PTPRD: variants seen among roughly 807,000 people sequenced by gnomAD.
The protein encoded by PTPRD is receptor-type tyrosine-protein phosphatase delta.
PTPRD carries 34 observed loss-of-function variants against 214.5 expected under a neutral mutation model. That is an observed-to-expected ratio of 0.16 (90% CI 0.12 to 0.21). The LOEUF is 0.21. Among genes scored for constraint, PTPRD ranks in the 10% least tolerant of loss-of-function variants. The probability of loss-of-function intolerance (pLI) is 1.00; values close to 1 mark genes in which losing one functional copy is unlikely to be tolerated. For missense variants in PTPRD, 2,545 were observed against 2,398.7 expected (o/e 1.06, Z -1.27); for synonymous variants, 1,128 against 845.7 (o/e 1.33, Z -5.79).
intron 3 of PTPRD, among the ~76,000 whole-genome samples, chr9:10,047,312 C>CTGTGTGTG (rs56257525): frequency 2.0e-3 from 273 of 138,780 alleles, no homozygotes; most frequent in African/African-American, 6.3e-3. Flanking sequence ...AATCAACTAA[C>CTGTGTGTG]TGTGTGTGTG....
At position 8,348,958 on chromosome 9, in the gene PTPRD, G is replaced by A. The variant is rs374957887; in HGVS notation, c.4662-6980C>T. 1.4e-4 allele frequency among the ~76,000 whole-genome samples: 21 copies of A among 152,152 alleles called. 1 individual carries two copies. In the East Asian group the frequency reaches 1.7e-3, roughly 13 times the overall value. ...TTATGCCAGTTGGCGCTCTCCTCCA[G>A]GGAAAAGACAACAGCTTCGTTGTCT... is the stretch of plus-strand genomic sequence containing the variant. On this transcript the variant is annotated intron_variant, in intron 39 of 45. Transcript: ENST00000381196.
intron 9 of PTPRD, among the ~76,000 whole-genome samples, chr9:9,244,086 G>A (rs2099971727): frequency 1.3e-5 from 2 of 152,170 alleles, no homozygotes; most frequent in Non-Finnish European, 2.9e-5. Context: ...CAAGGGATGT[G>A]AAGGACCTCT....
intron 2 of PTPRD, among the ~76,000 whole-genome samples, chr9:10,408,878 G>T (rs1185153425): frequency 6.6e-6 from 1 of 151,616 alleles, no homozygotes; most frequent in Non-Finnish European, 1.5e-5. Context: ...CTCAGTATAT[G>T]TTAGATATTG....
intron 3 of PTPRD, among the ~76,000 whole-genome samples, chr9:10,127,879 G>A (rs536990765): frequency 1.1e-4 from 16 of 152,188 alleles, no homozygotes; most frequent in South Asian, 4.2e-4. Context: ...AAAATTCCCC[G>A]TCACTATCAC....
intron 33 of PTPRD, among the ~76,000 whole-genome samples, chr9:8,457,820 T>A (rs1564957377): frequency 6.6e-6 from 1 of 152,158 alleles, no homozygotes; most frequent in Non-Finnish European, 1.5e-5. Context: ...CTTTCAATTC[T>A]GAGTCATTAC....
intron 8 of PTPRD, among the ~76,000 whole-genome samples, chr9:9,403,254 A>G (rs747736961): frequency 4.1e-5 from 5 of 121,262 alleles, no homozygotes; most frequent in Non-Finnish European, 6.4e-5. Context: ...TTGTGCCACT[A>G]TACTCCAGTC....
At chr9:9,431,397 G>A (rs891135531) in intron 8 of PTPRD, among the ~76,000 whole-genome samples, 1 of 152,056 alleles carries the variant, frequency 6.6e-6, no homozygotes, top group African/African-American at 2.4e-5. Context: ...TAAAAAGTCA[G>A]GAAACAACAG....
chr9:8,388,154 T>C (rs2087910617), intron 37 of PTPRD, among the ~76,000 whole-genome samples: 1 of 152,228 alleles, frequency 6.6e-6, no homozygotes, highest in Admixed American at 6.5e-5. Context: ...CTTTTTAATA[T>C]GTTTCTGTCT....
intron 7 of PTPRD, among the ~76,000 whole-genome samples, chr9:9,610,101 A>G (rs1368832798): frequency 6.6e-6 from 1 of 152,120 alleles, no homozygotes; most frequent in African/African-American, 2.4e-5. Context: ...AGAAATAAAG[A>G]TGTGCCAAGC....
At chr9:9,483,188 A>T (rs1231800007) in intron 8 of PTPRD, among the ~76,000 whole-genome samples, 1 of 152,176 alleles carries the variant, frequency 6.6e-6, no homozygotes, top group Admixed American at 6.6e-5. Context: ...CAGCAGAAAG[A>T]CTCAGTGGAG....
At chr9:8,868,560 G>A (rs2098239606) in intron 11 of PTPRD, among the ~76,000 whole-genome samples, 1 of 152,112 alleles carries the variant, frequency 6.6e-6, no homozygotes, top group Non-Finnish European at 1.5e-5. Flanking sequence ...CAAAGTTGGA[G>A]CAACTTTGCT....
Position 8,380,707 on chromosome 9 carries a change from A to C in PTPRD, c.4387-3981T>G, listed in dbSNP as rs1042429351. Among the ~76,000 whole-genome samples, 3 of 152,280 alleles carry C rather than the reference A, an allele frequency of 2.0e-5. No individual in the cohort carries two copies. In the South Asian group the frequency reaches 6.2e-4, roughly 32 times the overall value. ...TTATTTTTAAAACTCTTGTCATTGC[A>C]AATATCTGGTAGGAGCTGATCCATT... On this transcript the variant is annotated intron_variant, in intron 37 of 45. Coordinates refer to ENST00000381196, the MANE Select transcript of PTPRD (RefSeq NM_002839.4).
At chr9:8,412,224 C>T (rs1011941669) in intron 35 of PTPRD, among the ~76,000 whole-genome samples, 1 of 152,056 alleles carries the variant, frequency 6.6e-6, no homozygotes, top group Admixed American at 6.6e-5. Flanking sequence ...CTGGGCAACA[C>T]AGCAAGACCC....
intron 33 of PTPRD, among the ~76,000 whole-genome samples, chr9:8,459,189 T>C (rs1179599291): frequency 2.6e-5 from 4 of 151,880 alleles, no homozygotes; most frequent in African/African-American, 9.7e-5. Context: ...AAAAGGGAGC[T>C]AGATGGGTAG....
chr9:9,401,352 T>A (rs1012835070), intron 8 of PTPRD, among the ~76,000 whole-genome samples: 2 of 152,008 alleles, frequency 1.3e-5, no homozygotes, highest in Admixed American at 1.3e-4. Context: ...TCTAATTACA[T>A]CAGATTTCTC....
In PTPRD at chr9:8,538,090, T is replaced by C. The variant is rs144234518; in HGVS notation, c.353-9311A>G. ...CATCAGGGAAACACATTTATTCCCT[T>C]CTTTGGGATTCATTTAGATAAAATC... On this transcript the variant is annotated intron_variant, in intron 14 of 45. Coordinates refer to ENST00000381196, the MANE Select transcript of PTPRD (RefSeq NM_002839.4). Among the ~76,000 whole-genome samples the C allele has an allele frequency of 1.8e-4, 27 of 152,092 alleles. No homozygotes were observed. The East Asian group carries it at 5.0e-3, about 28-fold the overall frequency.
chr9:9,972,841 T>G (rs1334038182), intron 4 of PTPRD, among the ~76,000 whole-genome samples: 3 of 152,166 alleles, frequency 2.0e-5, no homozygotes, highest in Non-Finnish European at 4.4e-5. Flanking sequence ...CTCTGCCTCT[T>G]TCTTATAAGG....
At chr9:8,536,735 A>G (rs927984677) in intron 14 of PTPRD, among the ~76,000 whole-genome samples, 1 of 152,036 alleles carries the variant, frequency 6.6e-6, no homozygotes, top group African/African-American at 2.4e-5. Flanking sequence ...TACAGAGACC[A>G]GAAAAGCAGA....
intron 18 of PTPRD, among the ~76,000 whole-genome samples, chr9:8,523,806 G>A (rs752073720): frequency 6.6e-6 from 1 of 152,106 alleles, no homozygotes; most frequent in Non-Finnish European, 1.5e-5. Context: ...GTGGAAAAAG[G>A]ATCAAGGGAC....
Sources: allele counts gnomAD v4.1 joint callset (sites outside exome capture counted in the v4.1 genomes callset), GRCh38; gene constraint gnomAD v4.1.1; transcripts MANE v1.5; gene names NCBI Gene and HGNC (gene_info 2026-07-23, HGNC 2026-07-21).